COL24A1: variants seen among roughly 807,000 people sequenced by gnomAD.
COL24A1 encodes the protein collagen type XXIV alpha 1 chain, also known as collagen alpha-1(XXIV) chain.
A neutral mutation model predicts 253.9 loss-of-function variants in COL24A1; 224 were observed. The observed-to-expected ratio is 0.88, with a 90% CI of 0.79 to 0.99. The LOEUF is 0.99. Ranked by LOEUF, COL24A1 falls within the 50% of genes least tolerant of loss-of-function variation. COL24A1 has a pLI of 0.00. For synonymous variants in COL24A1, 685 were observed against 673.7 expected, an observed-to-expected ratio of 1.02 and a Z score of -0.26; for missense variants, 2,131 against 2,068.5, an observed-to-expected ratio of 1.03 and a Z score of -0.59.
intron 35 of COL24A1, among the ~76,000 whole-genome samples, chr1:85,871,408 G>A (rs928366947): frequency 1.7e-4 from 26 of 152,118 alleles, no homozygotes; most frequent in African/African-American, 6.3e-4. Context: ...GAGAATTTTA[G>A]ACCAATATCC....
intron 32 of COL24A1, among the ~76,000 whole-genome samples, chr1:85,878,465 G>A (rs762778172): frequency 1.8e-4 from 27 of 152,142 alleles, no homozygotes; most frequent in Non-Finnish European, 3.5e-4. Flanking sequence ...GGGAAACACG[G>A]TCCAATTATA....
At chr1:85,827,690 A>C (rs1204151101) in intron 43 of COL24A1, among the ~76,000 whole-genome samples, 2 of 151,770 alleles carry the variant, frequency 1.3e-5, no homozygotes, top group African/African-American at 4.8e-5. Context: ...CATTTCTTCT[A>C]GATTTTCTAG....
Position 86,001,324 on chromosome 1 carries a change from C to T in COL24A1, c.2311-13670G>A, listed in dbSNP as rs559908504. Among the ~76,000 whole-genome samples, 6 of 152,310 alleles carry T rather than the reference C, an allele frequency of 3.9e-5. No individual in the cohort carries two copies. The South Asian group carries it at 8.3e-4, about 21-fold the overall frequency. The stretch of plus-strand genomic sequence containing the variant: ...CATTTACAACAAAAACTTCAGAGTA[C>T]TTTGCTTTCACCAACTCTTATGAAG... On this transcript the variant is annotated intron_variant, in intron 19 of 59. Transcript: ENST00000370571.
At chr1:85,969,454 A>C (rs918537022) in intron 22 of COL24A1, among the ~76,000 whole-genome samples, 2 of 151,652 alleles carry the variant, frequency 1.3e-5, no homozygotes, top group Non-Finnish European at 2.9e-5. Context: ...AAAATACAAA[A>C]ATTAGCAGGG....
At chr1:86,008,364 C>T (rs1696160532) in intron 19 of COL24A1, among the ~76,000 whole-genome samples, 1 of 152,108 alleles carries the variant, frequency 6.6e-6, no homozygotes, top group Non-Finnish European at 1.5e-5. Context: ...CCCACCTCAG[C>T]CTCCTGAGGA....
intron 7 of COL24A1, among the ~76,000 whole-genome samples, chr1:86,075,373 C>T (rs931947294): frequency 2.0e-5 from 3 of 152,032 alleles, no homozygotes; most frequent in Non-Finnish European, 2.9e-5. Context: ...AGATCAATAA[C>T]GAGTTCTGAA....
intron 23 of COL24A1, among the ~76,000 whole-genome samples, chr1:85,963,136 T>C (rs771179736): frequency 1.3e-5 from 2 of 152,170 alleles, no homozygotes; most frequent in Admixed American, 6.6e-5. Flanking sequence ...TATTGAATAG[T>C]GGTGATTTTA....
chr1:86,132,216 GT>G (rs1386401023), intron 2 of COL24A1, among the ~76,000 whole-genome samples: 1 of 152,012 alleles, frequency 6.6e-6, no homozygotes, highest in Non-Finnish European at 1.5e-5. Context: ...GGGGTTGTTT[GT>G]TTTTTTCTTG....
chr1:85,922,892 G>T (rs1281679433), intron 24 of COL24A1, among the ~76,000 whole-genome samples: 1 of 152,094 alleles, frequency 6.6e-6, no homozygotes, highest in African/African-American at 2.4e-5. Flanking sequence ...AAAGAGTCAA[G>T]ACCCATCAGT....
intron 24 of COL24A1, among the ~76,000 whole-genome samples, chr1:85,945,003 T>TTTTG: frequency 3.5e-5 from 1 of 28,174 alleles, no homozygotes; most frequent in Admixed American, 4.6e-4. Flanking sequence ...TATCATTGTG[T>TTTTG]TTTTTTTTTT....
At chr1:85,871,648 C>G (rs754492220) in intron 35 of COL24A1, among the ~76,000 whole-genome samples, 6 of 152,084 alleles carry the variant, frequency 3.9e-5, no homozygotes, top group African/African-American at 1.2e-4. Context: ...ATTCAACAGC[C>G]CTTCATGCTA....
intron 19 of COL24A1, among the ~76,000 whole-genome samples, chr1:85,989,367 C>T (rs1219382928): frequency 2.0e-5 from 3 of 152,024 alleles, no homozygotes; most frequent in African/African-American, 4.8e-5. Context: ...ATTTTTCCCT[C>T]CCCACCACCA....
At chr1:85,813,708 G>A (rs1199614818) in intron 47 of COL24A1, among the ~76,000 whole-genome samples, 1 of 150,668 alleles carries the variant, frequency 6.6e-6, no homozygotes, top group Admixed American at 6.6e-5. Context: ...CCGCCACTAC[G>A]CCCGGCTAAT....
chr1:85,829,717 C>G (rs191017039), intron 43 of COL24A1, among the ~76,000 whole-genome samples: 339 of 152,110 alleles, frequency 2.2e-3, no homozygotes, highest in African/African-American at 7.8e-3. Flanking sequence ...GATCGCATGG[C>G]CTCCTGAGGC....
chr1:86,125,060 G>A lies in COL24A1; in HGVS notation c.1276C>T (p.Pro426Ser), dbSNP rs1648037411. The A allele has an allele frequency of 6.2e-7, 1 of 1,612,924 alleles. No individual in the cohort carries two copies. Among genetic ancestry groups the A allele is most frequent in the Non-Finnish European group, 8.5e-7 (1 of 1,179,564 alleles). Residue 426 changes from proline to serine, a missense_variant, in exon 3 of 60, where the codon CCA becomes TCA. Pro to Ser is a moderately conservative substitution (Grantham distance 74). Coordinates refer to ENST00000370571, the MANE Select transcript of COL24A1 (RefSeq NM_152890.7). ...CTATGCAAGCTTGTGTTTAAAATTG[G>A]TTGCATTTCCATGAGTTCGTTAGTG... ...LHTNELMEMQPILNTSLHRVT... is the reference protein window; with the variant it reads ...LHTNELMEMQSILNTSLHRVT...
At chr1:86,138,122 A>G (rs1650522975) in intron 2 of COL24A1, among the ~76,000 whole-genome samples, 2 of 152,126 alleles carry the variant, frequency 1.3e-5, no homozygotes, top group Admixed American at 1.3e-4. Context: ...CTTTCTTGGG[A>G]CGCTTTAAAC....
chr1:86,070,369 T>C (rs1473728634), intron 7 of COL24A1, among the ~76,000 whole-genome samples: 3 of 152,128 alleles, frequency 2.0e-5, no homozygotes, highest in South Asian at 2.1e-4. Flanking sequence ...CTGAGAGTTA[T>C]TGGCCTTAAA....
chr1:86,009,389 T>C (rs780601131), intron 19 of COL24A1, among the ~76,000 whole-genome samples: 8 of 152,124 alleles, frequency 5.3e-5, no homozygotes, highest in Middle Eastern at 3.2e-3. Context: ...ATTTTGTCAT[T>C]GTGTGAACAT....
chr1:85,908,510 TA>T, intron 27 of COL24A1, 87 bp downstream of exon 27: 1 of 762,316 alleles, frequency 1.3e-6, no homozygotes, highest in South Asian at 2.0e-5. Context: ...TTACTTTGAA[TA>T]AAAACCAACA....
Sources: allele counts gnomAD v4.1 joint callset (sites outside exome capture counted in the v4.1 genomes callset), GRCh38; gene constraint gnomAD v4.1.1; transcripts MANE v1.5; gene names NCBI Gene and HGNC (gene_info 2026-07-23, HGNC 2026-07-21).